The following HELB variants were observed in gnomAD, a reference collection of about 807,000 sequenced individuals.
HELB encodes DNA helicase B.
In HELB, 96 loss-of-function variants were observed where a neutral mutation model predicts 101.7. That is an observed-to-expected ratio of 0.94 (90% CI 0.80 to 1.12). HELB has a LOEUF of 1.12. Ranked by LOEUF, HELB falls within the 50% of genes most tolerant of loss-of-function variation. The pLI is 0.00. For missense variants in HELB, 1,210 were observed against 1,291.9 expected, an observed-to-expected ratio of 0.94 and a Z score of 0.97; for synonymous variants, 437 against 459.7, an observed-to-expected ratio of 0.95 and a Z score of 0.63.
rs2053478487 is a variant in HELB, at chr12:66,306,526, A to G, written c.777+12A>G. ...TTGGATTTAGTAAAGTAAGTAAAAC[A>G]TTTGCTCAGCATATAGTAATCTTGT... On this transcript the variant is annotated intron_variant, in intron 3 of 12. Transcript: ENST00000247815. 6 of 1,562,632 alleles carry G rather than the reference A, an allele frequency of 3.8e-6. No homozygotes were observed. The highest frequency in any genetic ancestry group is 3.8e-5 in the Admixed American group (2 of 52,120).
chr12:66,328,957 A>G (rs2137012598), intron 11 of HELB, among the ~76,000 whole-genome samples: 1 of 152,318 alleles, frequency 6.6e-6, no homozygotes, highest in Non-Finnish European at 1.5e-5. Flanking sequence ...GTTCTAGACT[A>G]TTTTAAGGAC....
At position 66,309,963 on chromosome 12, in the gene HELB, A is replaced by G. The variant is rs531241365; in HGVS notation, c.1035A>G (p.Thr345=). The G allele has an allele frequency of 1.2e-6, 2 of 1,614,244 alleles. No homozygotes were observed. Among genetic ancestry groups the G allele is most frequent in the Non-Finnish European group, 8.5e-7 (1 of 1,180,036 alleles). ...LKFLKDIGVV[T]YEKSCVFPYD... ...TTTTGAAGGATATTGGTGTGGTGACATATGAGAAGTCCTGTGTCTTCCCTT... is the reference window on the plus strand; with the variant it reads ...TTTTGAAGGATATTGGTGTGGTGACGTATGAGAAGTCCTGTGTCTTCCCTT... The change falls in exon 4 of 13, where the codon ACA becomes ACG. Residue 345 remains threonine, a synonymous_variant. Coordinates refer to ENST00000247815, the MANE Select transcript of HELB (RefSeq NM_001370285.1).
At chr12:66,337,211 G>A (rs148975051) in intron 12 of HELB, among the ~76,000 whole-genome samples, 110 of 152,162 alleles carry the variant, frequency 7.2e-4, no homozygotes, top group African/African-American at 2.6e-3. Context: ...GTTGAGGGTG[G>A]AGGGGGAAGT....
At chr12:66,337,904 A>G (rs904207607) in intron 12 of HELB, 97 bp from the exon 13 acceptor site, 5 of 702,954 alleles carry the variant, frequency 7.1e-6, no homozygotes, top group Non-Finnish European at 1.2e-5. Flanking sequence ...GGGAAGGTGC[A>G]TGATTTCTTT....
chr12:66,342,541 AT>A (rs374059180), downstream of HELB: 9 of 149,710 alleles, frequency 6.0e-5, no homozygotes, highest in Admixed American at 2.0e-4. Context: ...TGCCTGGCTA[AT>A]TTTTTTTTGT....
chr12:66,310,020 C>T lies in HELB; in HGVS notation c.1092C>T (p.Ala364=). ...YDLYHAERAI[A]FSICDLMKKP... Reference sequence around the variant, plus strand: ...TTTACCATGCTGAAAGAGCCATCGCCTTTTCAATTTGTGACCTGATGAAGA... The same window carrying T: ...TTTACCATGCTGAAAGAGCCATCGCTTTTTCAATTTGTGACCTGATGAAGA... The change falls in exon 4 of 13, where the codon GCC becomes GCT. Residue 364 remains alanine (A), a synonymous_variant. Transcript: ENST00000247815. 6.2e-7 allele frequency: 1 copy of T among 1,614,166 alleles called. No individual in the cohort carries two copies. The highest frequency in any genetic ancestry group is 1.1e-5 in the South Asian group (1 of 91,078).
chr12:66,305,946 A>G (rs894837077), intron 2 of HELB, among the ~76,000 whole-genome samples: 7 of 152,208 alleles, frequency 4.6e-5, no homozygotes, highest in Non-Finnish European at 5.9e-5. Context: ...TGGTACATCA[A>G]TGAATGATTT....
chr12:66,307,431 C>G (rs1433384254), intron 3 of HELB, among the ~76,000 whole-genome samples: 2 of 152,100 alleles, frequency 1.3e-5, no homozygotes, highest in Non-Finnish European at 2.9e-5. Context: ...AAGGGAAGAT[C>G]ATTTTTTAGC....
intron 7 of HELB, among the ~76,000 whole-genome samples, chr12:66,321,012 G>C (rs760595334): frequency 1.3e-5 from 2 of 152,200 alleles, no homozygotes; most frequent in African/African-American, 2.4e-5. Context: ...GAAGCCAGGG[G>C]TTGGTTGAGG....
At chr12:66,324,770 C>T in intron 10 of HELB, 1 of 518,344 alleles carries the variant, frequency 1.9e-6, no homozygotes, top group Non-Finnish European at 3.4e-6. Flanking sequence ...AGATAAGTTT[C>T]AAAGACTGAA....
At position 66,324,703 on chromosome 12, in the gene HELB, G is replaced by T. The variant is rs959899711; in HGVS notation, c.2527-280G>T. 2.0e-5 allele frequency among the ~76,000 whole-genome samples: 3 copies of T among 152,252 alleles called. 1 individual carries two copies. Among genetic ancestry groups the T allele is most frequent in the Admixed American group, 6.5e-5 (1 of 15,284 alleles). ...GACTTATGTAGTCAATACAAGAAAT[G>T]AATGTATAGACTTCAAAATAAGAAA... On this transcript the variant is annotated intron_variant, in intron 10 of 12. Transcript: ENST00000247815.
intron 3 of HELB, 81 bp from the exon 4 acceptor site, chr12:66,309,625 G>A: frequency 2.1e-6 from 2 of 955,272 alleles, no homozygotes; most frequent in East Asian, 5.0e-5. Context: ...TGTCTTCTGG[G>A]ATTTAAAAAA....
Position 66,318,692 on chromosome 12 carries a change from T to C in HELB, c.2055T>C (p.Asn685=). Residue 685 remains asparagine, a synonymous_variant, in exon 7 of 13, where the codon AAT becomes AAC. Transcript: ENST00000247815. ...KFDAELNISD[N]PTLPISIQDK... is the part of the protein sequence containing the mutation. ...ATGCAGAACTAAATATCTCTGATAA[T>C]CCAACATTACCCATCTCAATTCAAG... 1 of 1,607,820 alleles carries C rather than the reference T, an allele frequency of 6.2e-7. No homozygotes were observed. Among genetic ancestry groups the C allele is most frequent in the Non-Finnish European group, 8.5e-7 (1 of 1,178,442 alleles).
chr12:66,302,843 T>G, intron 1 of HELB, 53 bp downstream of exon 1: 5 of 1,481,644 alleles, frequency 3.4e-6, no homozygotes, highest in Non-Finnish European at 4.6e-6. Context: ...AAGTAGCGCT[T>G]CCCATTCTGG....
At chr12:66,321,550 T>A (rs776420602) in intron 7 of HELB, 150 of 202,624 alleles carry the variant, frequency 7.4e-4, no homozygotes, top group Non-Finnish European at 1.3e-3. Flanking sequence ...TATTGTCAAG[T>A]TCTAACTGAT....
At chr12:66,305,703 C>T (rs994419795) in intron 2 of HELB, among the ~76,000 whole-genome samples, 10 of 150,996 alleles carry the variant, frequency 6.6e-5, no homozygotes, top group African/African-American at 2.4e-4. Flanking sequence ...CATGATTGCA[C>T]CACTGTACTC....
intron 6 of HELB, among the ~76,000 whole-genome samples, chr12:66,315,586 T>C (rs541619109): frequency 6.6e-6 from 1 of 152,334 alleles, no homozygotes; most frequent in Admixed American, 6.5e-5. Context: ...AAGTTATTAT[T>C]GAAATTTAAA....
downstream of HELB, chr12:66,340,303 T>C (rs1021068642): frequency 6.6e-5 from 10 of 152,364 alleles, no homozygotes; most frequent in Non-Finnish European, 8.8e-5. Context: ...TTCTTGATTA[T>C]AGCCATCCTA....
rs2053518201 is a variant in HELB at position 66,309,771 on chromosome 12, GTC to G, written c.847_848del (p.Leu283SerfsTer6). The G allele has an allele frequency of 1.2e-6, 2 of 1,613,976 alleles. No homozygotes were observed. The highest frequency in any genetic ancestry group is 1.7e-6 in the Non-Finnish European group (2 of 1,179,972). Reference sequence around the variant, plus strand: ...GTTGGATAGCATTTTGTCAGTGTGAGTCTCTTCTCCAGCTGATGACTGATTTG... The same window carrying G: ...GTTGGATAGCATTTTGTCAGTGTGAGTCTTCTCCAGCTGATGACTGATTTG... Reference protein sequence around the residue: ...ASWIAFCQCESLLQLMTDLEK... With the variant: ...ASWIAFCQCEXLLQLMTDLEK... On this transcript the variant is annotated frameshift_variant, in exon 4 of 13. Coordinates refer to ENST00000247815, the MANE Select transcript of HELB (RefSeq NM_001370285.1). LOFTEE classifies it high-confidence loss of function.
Sources: gnomAD v4.1 joint callset for allele counts (sites outside exome capture counted in the v4.1 genomes callset) on GRCh38, gnomAD v4.1.1 for gene constraint, MANE v1.5 for transcripts, NCBI Gene and HGNC (gene_info 2026-07-23, HGNC 2026-07-21) for gene names.